Variants in DUSP22 observed in about 807,000 individuals in gnomAD.
DUSP22 encodes the protein dual specificity phosphatase 22.
A neutral mutation model predicts 24.5 loss-of-function variants in DUSP22; 24 were observed. The observed-to-expected ratio is 0.98, with a 90% CI of 0.71 to 1.38. DUSP22 has a LOEUF of 1.38. Ranked by LOEUF, DUSP22 falls within the 40% of genes most tolerant of loss-of-function variation. DUSP22 has a pLI of 0.00. For synonymous variants in DUSP22, 160 were observed against 106.4 expected, an observed-to-expected ratio of 1.50 and a Z score of -3.10; for missense variants, 330 against 269.2, an observed-to-expected ratio of 1.23 and a Z score of -1.58.
intron 1 of DUSP22, among the ~76,000 whole-genome samples, chr6:299,159 A>G (rs527606416): frequency 3.3e-5 from 5 of 152,398 alleles, no homozygotes; most frequent in Admixed American, 6.5e-5. Flanking sequence ...TTTTTTTCCA[A>G]CTTGTCCTTG....
intron 1 of DUSP22, among the ~76,000 whole-genome samples, chr6:294,547 C>A (rs1757240254): frequency 6.6e-6 from 1 of 152,254 alleles, no homozygotes; most frequent in South Asian, 2.1e-4. Flanking sequence ...TATATTAAAA[C>A]TATTGTTTCA....
intron 1 of DUSP22, among the ~76,000 whole-genome samples, chr6:293,085 T>G (rs1330583015): frequency 2.0e-5 from 3 of 152,292 alleles, no homozygotes; most frequent in Non-Finnish European, 4.4e-5. Context: ...TGTTTCTAGA[T>G]AGTGGGGAGG....
At chr6:340,986 T>G (rs982251589) in intron 4 of DUSP22, among the ~76,000 whole-genome samples, 2 of 152,136 alleles carry the variant, frequency 1.3e-5, no homozygotes, top group African/African-American at 4.8e-5. Context: ...ATCTGGGCAC[T>G]GGCTCTTGGC....
chr6:299,133 G>A (rs1359208015), intron 1 of DUSP22, among the ~76,000 whole-genome samples: 1 of 152,300 alleles, frequency 6.6e-6, no homozygotes, highest in South Asian at 2.1e-4. Flanking sequence ...ACATTCCCAA[G>A]TTGCCTTTAC....
At chr6:339,925 G>A (rs1425878998) in intron 4 of DUSP22, among the ~76,000 whole-genome samples, 7 of 152,302 alleles carry the variant, frequency 4.6e-5, no homozygotes, top group African/African-American at 1.7e-4. Context: ...CTTCCAGACA[G>A]TTCCTGAGGG....
At chr6:331,353 A>G (rs1759131132) in intron 3 of DUSP22, among the ~76,000 whole-genome samples, 1 of 152,310 alleles carries the variant, frequency 6.6e-6, no homozygotes, top group Non-Finnish European at 1.5e-5. Flanking sequence ...ACCTTACAGC[A>G]AACACTGTAC....
chr6:351,062 T>G lies in DUSP22; in HGVS notation c.*2111T>G. 1 of 861,718 alleles carries G rather than the reference T, an allele frequency of 1.2e-6. No homozygotes were observed. Among genetic ancestry groups the G allele is most frequent in the Non-Finnish European group, 1.8e-6 (1 of 570,992 alleles). 53.4% of individuals were successfully genotyped at this position (861,718 alleles called of 1,614,324 possible). A position where few individuals can be genotyped will look rare whatever the true frequency, so the allele number is the denominator to read the frequency against. On this transcript the variant is annotated 3_prime_UTR_variant, in exon 7 of 7. Coordinates refer to ENST00000419235, the MANE Select transcript of DUSP22 (RefSeq NM_001286555.3). ...TTAGCAAGAGAAAATATTTTCCCCT[T>G]ATCCCCACTGCTGTGGAGGTTTCTG...
chr6:292,488 T>C lies in DUSP22; in HGVS notation c.-52T>C, dbSNP rs1485789650. ...CGCTCCTCCTCCCTGTAACATGCCA[T>C]AGTGCGCCTGCGACCACACGGCCGG... On this transcript the variant is annotated 5_prime_UTR_variant, in exon 1 of 7. Transcript: ENST00000419235. The C allele has an allele frequency of 3.8e-6, 6 of 1,582,044 alleles. No homozygotes were observed. The highest frequency in any genetic ancestry group is 2.2e-5 in the South Asian group (2 of 89,392).
Position 349,649 on chromosome 6 carries a change from G to A in DUSP22, c.*698G>A. 1.0e-6 allele frequency: 1 copy of A among 986,432 alleles called. No individual in the cohort carries two copies. Among genetic ancestry groups the A allele is most frequent in the Non-Finnish European group, 1.2e-6 (1 of 830,670 alleles). 61.1% of individuals were successfully genotyped at this position (986,432 alleles called of 1,614,324 possible). On this transcript the variant is annotated 3_prime_UTR_variant, in exon 7 of 7. Coordinates refer to ENST00000419235, the MANE Select transcript of DUSP22 (RefSeq NM_001286555.3). Reference sequence around the variant, plus strand: ...AAAACGTGAGAGACTGCCCTGAGCTGGTCCAGTGGGCCAGCACTTTATACC... The same window carrying A: ...AAAACGTGAGAGACTGCCCTGAGCTAGTCCAGTGGGCCAGCACTTTATACC...
rs1760200698 is a variant in DUSP22, at chr6:351,259, C to T, written c.*2308C>T. The T allele has an allele frequency of 4.4e-6, 1 of 226,868 alleles. No homozygotes were observed. Among genetic ancestry groups the T allele is most frequent in the Non-Finnish European group, 8.7e-6 (1 of 115,514 alleles). 14.1% of individuals were successfully genotyped at this position (226,868 alleles called of 1,614,324 possible). On this transcript the variant is annotated 3_prime_UTR_variant, in exon 7 of 7. Coordinates refer to ENST00000419235, the MANE Select transcript of DUSP22 (RefSeq NM_001286555.3). ...AAATTCCCCAGCTTGGGAAATAGCC[C>T]TTGGTGTGGGTTTTATCTCTGGTTT...
chr6:313,811 T>C (rs556085576), intron 3 of DUSP22, among the ~76,000 whole-genome samples: 2 of 152,306 alleles, frequency 1.3e-5, no homozygotes, highest in South Asian at 2.1e-4. Context: ...ATTCTTATTT[T>C]AAAAATTAAA....
At chr6:329,931 T>TC (rs1320595109) in intron 3 of DUSP22, among the ~76,000 whole-genome samples, 9 of 152,396 alleles carry the variant, frequency 5.9e-5, no homozygotes, top group African/African-American at 2.2e-4. Flanking sequence ...TTTTTTTTTT[T>TC]CAGGGTCAGG....
Position 348,968 on chromosome 6 carries a change from C to T in DUSP22, c.*17C>T, listed in dbSNP as rs756155152. The T allele has an allele frequency of 3.2e-6, 5 of 1,565,294 alleles. No individual in the cohort carries two copies. Among genetic ancestry groups the T allele is most frequent in the South Asian group, 1.2e-5 (1 of 86,340 alleles). On this transcript the variant is annotated 3_prime_UTR_variant, in exon 7 of 7. Transcript: ENST00000419235. ...GAGACCTAACGCAAGCGACCTGCTG[C>T]CTTCCTTCCCACTGCTTGTCTTCAG...
intron 1 of DUSP22, 91 bp downstream of exon 1, chr6:292,651 G>T (rs1333252398): frequency 3.3e-6 from 5 of 1,505,364 alleles, no homozygotes; most frequent in Non-Finnish European, 4.4e-6. Context: ...TCGAGCCCGG[G>T]GTGCCCTTTC....
At chr6:292,771 G>A (rs546125455) in intron 1 of DUSP22, among the ~76,000 whole-genome samples, 1 of 152,240 alleles carries the variant, frequency 6.6e-6, no homozygotes, top group Admixed American at 6.5e-5. Flanking sequence ...CGGGTAGGCA[G>A]CCCCCAGCCG....
intron 3 of DUSP22, among the ~76,000 whole-genome samples, chr6:334,708 G>A (rs935206353): frequency 6.6e-6 from 1 of 152,306 alleles, no homozygotes; most frequent in Admixed American, 6.5e-5. Context: ...TCTTGTTAAG[G>A]TTTTTACTTA....
chr6:316,355 A>G (rs920874281), intron 3 of DUSP22, among the ~76,000 whole-genome samples: 3 of 152,308 alleles, frequency 2.0e-5, no homozygotes, highest in Non-Finnish European at 2.9e-5. Flanking sequence ...ATTAATTTCA[A>G]TAGAAAGTAA....
chr6:316,911 A>G (rs1337204344), intron 3 of DUSP22, among the ~76,000 whole-genome samples: 1 of 152,302 alleles, frequency 6.6e-6, no homozygotes, highest in Non-Finnish European at 1.5e-5. Flanking sequence ...TATTGTATGT[A>G]TATACCAGGT....
At chr6:311,797 GT>G (rs74274493) in intron 2 of DUSP22, 82 bp from the exon 3 acceptor site, 29,381 of 1,129,832 alleles carry the variant, frequency 0.026, 1 homozygote, top group East Asian at 0.031. Context: ...CATTTTGTGG[GT>G]TTTTTTTTTT....
Sources: gnomAD v4.1 joint callset for allele counts (sites outside exome capture counted in the v4.1 genomes callset) on GRCh38, gnomAD v4.1.1 for gene constraint, MANE v1.5 for transcripts, NCBI Gene and HGNC (gene_info 2026-07-23, HGNC 2026-07-21) for gene names.